Variants in FLYWCH1 observed in about 807,000 individuals in gnomAD.
FLYWCH1 encodes the protein FLYWCH-type zinc finger 1.
Under a neutral mutation model 66.4 loss-of-function variants are expected in FLYWCH1, and 75 were observed. The ratio of observed to expected loss-of-function variants is 1.13; its 90% confidence interval spans 0.94 to 1.37. The LOEUF (loss-of-function observed/expected upper bound fraction) is 1.37. FLYWCH1 is among the 40% of genes most tolerant of loss of function. The pLI is 0.00. For missense variants in FLYWCH1, 1,334 were observed against 1,001.8 expected (o/e 1.33, Z -4.48); for synonymous variants, 595 against 429.9 (o/e 1.38, Z -4.75).
intron 7 of FLYWCH1, 150 bp from the exon 8 acceptor site, chr16:2,938,034 G>A: frequency 2.6e-6 from 2 of 759,392 alleles, no homozygotes; most frequent in Admixed American, 2.9e-5. Context: ...GGGCTGCAGG[G>A]CCCAGAGGGG....
Position 2,937,261 on chromosome 16 carries a change from G to A in FLYWCH1, c.1654G>A (p.Ala552Thr), listed in dbSNP as rs762452782. The A allele has an allele frequency of 1.1e-5, 17 of 1,606,406 alleles. No homozygotes were observed. The African/African-American group carries it at 1.3e-4, about 13-fold the overall frequency. The change falls in exon 7 of 10, where the codon GCC (alanine) becomes ACC (threonine). Residue 552 changes from alanine (A) to threonine (T), a missense_variant. Coordinates refer to ENST00000253928, the MANE Select transcript of FLYWCH1 (RefSeq NM_001308068.2). The stretch of plus-strand genomic sequence containing the variant: ...GGCCCGCATGGGCTGCCGCAGCCGC[G>A]CCATCACCCAGGGCCGGCGGGTCAT... The part of the protein sequence containing the change: ...DQARMGCRSR[A>T]ITQGRRVMVM...
intron 1 of FLYWCH1, among the ~76,000 whole-genome samples, chr16:2,912,649 A>G (rs532662900): frequency 6.6e-6 from 1 of 152,266 alleles, no homozygotes; most frequent in South Asian, 2.1e-4. Context: ...ACTGAAGCAC[A>G]AGTTTAAAGG....
intron 9 of FLYWCH1, among the ~76,000 whole-genome samples, chr16:2,947,282 G>A (rs1334458468): frequency 3.9e-5 from 6 of 152,222 alleles, no homozygotes; most frequent in Non-Finnish European, 7.3e-5. Context: ...CACATTTAGA[G>A]AGACAGAAAG....
At chr16:2,924,411 A>T (rs1465237503) in intron 2 of FLYWCH1, among the ~76,000 whole-genome samples, 1 of 152,034 alleles carries the variant, frequency 6.6e-6, no homozygotes, top group Non-Finnish European at 1.5e-5. Context: ...GTAGCATACG[A>T]CCCATGATCT....
intron 2 of FLYWCH1, chr16:2,922,613 G>A: frequency 2.8e-6 from 1 of 353,464 alleles, no homozygotes; most frequent in Non-Finnish European, 5.4e-6. Context: ...TTTTTTTATG[G>A]TGAAAAGATA....
chr16:2,917,340 C>G (rs2150888443), intron 2 of FLYWCH1, among the ~76,000 whole-genome samples: 1 of 150,656 alleles, frequency 6.6e-6, no homozygotes, highest in Non-Finnish European at 1.5e-5. Flanking sequence ...AGCGATTCTC[C>G]TGCCTCAGCC....
chr16:2,942,720 C>CTTTTTTTT (rs34247000), intron 9 of FLYWCH1, among the ~76,000 whole-genome samples: 9 of 82,792 alleles, frequency 1.1e-4, no homozygotes, highest in African/African-American at 2.5e-4. Context: ...CATCTGGGAA[C>CTTTTTTTT]TTTTTTTTTT....
chr16:2,944,737 C>T (rs576851115), intron 9 of FLYWCH1, among the ~76,000 whole-genome samples: 10 of 151,572 alleles, frequency 6.6e-5, no homozygotes, highest in Admixed American at 1.3e-4. Context: ...GCGTGAGAAT[C>T]GCTTAACCTG....
intron 9 of FLYWCH1, among the ~76,000 whole-genome samples, chr16:2,941,448 C>G (rs2071258071): frequency 6.6e-6 from 1 of 152,158 alleles, no homozygotes; most frequent in Admixed American, 6.6e-5. Flanking sequence ...GAGACCTCGT[C>G]TCTGCCAAAA....
At chr16:2,931,794 C>G (rs1266011999) in intron 4 of FLYWCH1, among the ~76,000 whole-genome samples, 1 of 151,924 alleles carries the variant, frequency 6.6e-6, no homozygotes, top group Non-Finnish European at 1.5e-5. Flanking sequence ...ATAGTGAAAC[C>G]CTGTCTCTAC....
rs752840813 is a variant in FLYWCH1, at chr16:2,930,784, C to G, written c.700C>G (p.Leu234Val). Residue 234 changes from leucine (L) to valine (V), a missense_variant, in exon 4 of 10, where the codon CTG becomes GTG. Leu to Val is a conservative substitution (Grantham distance 32). Transcript: ENST00000253928. ...TGAGGAGCCCGAGCCCACTCCTGGG[C>G]TGGTGCTGAGCAAGCCGGCCCTGGA... ...CPEEPEPTPG[L>V]VLSKPALEEE... is the part of the protein sequence containing the mutation. The G allele has an allele frequency of 2.0e-5, 32 of 1,590,810 alleles. No individual in the cohort carries two copies. Among genetic ancestry groups the G allele is most frequent in the Non-Finnish European group, 2.7e-5 (32 of 1,173,526 alleles).
In FLYWCH1 at chr16:2,929,922, C is replaced by G; in HGVS notation, c.237C>G (p.Thr79=). ...CTGGCCCCGCCACCCTCGCCAGCAC[C>G]TTGCAGATCCTGCCAGTTGAGGAGC... ...EMAGPATLAS[T]LQILPVEEQG... is the part of the protein sequence containing the mutation. Residue 79 remains threonine (T), a synonymous_variant, in exon 3 of 10, where the codon ACC becomes ACG. Transcript: ENST00000253928. 6.2e-7 allele frequency: 1 copy of G among 1,613,778 alleles called. No homozygotes were observed. Among genetic ancestry groups the G allele is most frequent in the Non-Finnish European group, 8.5e-7 (1 of 1,179,886 alleles).
At chr16:2,925,285 C>A (rs549972347) in intron 2 of FLYWCH1, among the ~76,000 whole-genome samples, 1 of 152,276 alleles carries the variant, frequency 6.6e-6, no homozygotes, top group East Asian at 1.9e-4. Context: ...GGGACCTGGG[C>A]TGGGGGGACC....
chr16:2,929,552 ATCCACG>A (rs777152134), intron 2 of FLYWCH1, 55 bp from the exon 3 acceptor site: 49 of 1,194,126 alleles, frequency 4.1e-5, no homozygotes, highest in Non-Finnish European at 3.0e-5. Context: ...TCCCTCCCAG[ATCCACG>A]TCTAGAGTCC....
chr16:2,937,492 T>G, intron 7 of FLYWCH1, 108 bp downstream of exon 7: 1 of 1,301,242 alleles, frequency 7.7e-7, no homozygotes, highest in Non-Finnish European at 1.0e-6. Context: ...CATGGTGGTC[T>G]GACAGCCGGG....
intron 9 of FLYWCH1, among the ~76,000 whole-genome samples, chr16:2,942,458 C>G (rs977469130): frequency 6.6e-6 from 1 of 152,120 alleles, no homozygotes; most frequent in East Asian, 1.9e-4. Context: ...CCAGCTCATT[C>G]TCTAAGACCA....
chr16:2,922,737 T>C (rs2070418537), intron 2 of FLYWCH1: 1 of 505,728 alleles, frequency 2.0e-6, no homozygotes, highest in Non-Finnish European at 3.9e-6. Context: ...CTTCTCTCCA[T>C]CAGGCCCAAT....
rs1485721361 is a variant in FLYWCH1 at position 2,937,300 on chromosome 16, C to T, written c.1693C>T (p.His565Tyr). 1 of 1,603,822 alleles carries T rather than the reference C, an allele frequency of 6.2e-7. No homozygotes were observed. The highest frequency in any genetic ancestry group is 2.2e-5 in the East Asian group (1 of 44,466). Residue 565 changes from histidine to tyrosine, a missense_variant, in exon 7 of 10, where the codon CAC (histidine) becomes TAC (tyrosine). Physicochemically the swap from His to Tyr is moderately conservative, Grantham distance 83 (BLOSUM62 2). Coordinates refer to ENST00000253928, the MANE Select transcript of FLYWCH1 (RefSeq NM_001308068.2). ...CCGGCGGGTCATGGTCATGCGCAGG[C>T]ACTGCCACCCACCGGACCTGGGCGG... ...QGRRVMVMRR[H>Y]CHPPDLGGLE... is the part of the protein sequence containing the mutation.
chr16:2,922,769 A>T, intron 2 of FLYWCH1: 1 of 518,868 alleles, frequency 1.9e-6, no homozygotes, highest in Non-Finnish European at 3.8e-6. Context: ...CCTGGGCCAC[A>T]ACCACCTCAC....
Sources: allele counts gnomAD v4.1 joint callset (sites outside exome capture counted in the v4.1 genomes callset), GRCh38; gene constraint gnomAD v4.1.1; transcripts MANE v1.5; gene names NCBI Gene and HGNC (gene_info 2026-07-23, HGNC 2026-07-21).